Variants in ACBD7 observed in about 807,000 individuals in gnomAD.
The protein encoded by ACBD7 is acyl-CoA-binding domain-containing protein 7.
In ACBD7, 11 loss-of-function variants were observed where a neutral mutation model predicts 13.7. That is an observed-to-expected ratio of 0.80 (90% CI 0.50 to 1.33). The LOEUF is 1.33. Among genes scored for constraint, ACBD7 ranks in the 40% most tolerant of loss-of-function variants. ACBD7 has a pLI of 0.00. For missense variants in ACBD7, 111 were observed against 103.0 expected (o/e 1.08, Z -0.33); for synonymous variants, 43 against 37.7 (o/e 1.14, Z -0.51).
chr10:15,086,322 T>C (rs1422902508), intron 1 of ACBD7, among the ~76,000 whole-genome samples: 2 of 151,792 alleles, frequency 1.3e-5, no homozygotes. Context: ...AAAAAAAAGT[T>C]ACCTTCCCCC....
In ACBD7 at chr10:15,076,827, T is replaced by C; in HGVS notation, c.*1703A>G. The stretch of plus-strand genomic sequence containing the variant: ...CTTGCCATTGATTCTTAATAACCTG[T>C]TTTTATTTCACCAGTAACATTAACT... On this transcript the variant is annotated 3_prime_UTR_variant, in exon 4 of 4. Transcript: ENST00000356189. The C allele has an allele frequency of 4.1e-6, 4 of 985,396 alleles. No individual in the cohort carries two copies. The highest frequency in any genetic ancestry group is 4.8e-6 in the Non-Finnish European group (4 of 829,932). The allele number at this position is 985,396 out of a possible 1,614,324, so 61.0% of individuals were successfully genotyped here.
Position 15,076,192 on chromosome 10 carries a change from A to C in ACBD7, c.*2338T>G, listed in dbSNP as rs1309359769. On this transcript the variant is annotated 3_prime_UTR_variant, in exon 4 of 4. Transcript: ENST00000356189. ...ATTTTTATGCAGGGAATAGAGGTAC[A>C]CTGTTTTGGGGGATATTTATCTTAA... 2 of 985,124 alleles carry C rather than the reference A, an allele frequency of 2.0e-6. No individual in the cohort carries two copies. The highest frequency in any genetic ancestry group is 2.4e-6 in the Non-Finnish European group (2 of 829,850). The allele number at this position is 985,124 out of a possible 1,614,324, so 61.0% of individuals were successfully genotyped here. A position where few individuals can be genotyped will look rare whatever the true frequency, so the allele number is the denominator to read the frequency against.
At chr10:15,080,943 C>G (rs978617602) in intron 1 of ACBD7, among the ~76,000 whole-genome samples, 12 of 151,960 alleles carry the variant, frequency 7.9e-5, no homozygotes, top group Non-Finnish European at 1.5e-4. Context: ...TGCTGGCCAC[C>G]CCCTGCCCCC....
chr10:15,087,630 T>C (rs905708555), intron 1 of ACBD7, among the ~76,000 whole-genome samples: 4 of 151,642 alleles, frequency 2.6e-5, no homozygotes, highest in African/African-American at 7.3e-5. Context: ...TAGAGAAAAA[T>C]AGCCAGGAGT....
chr10:15,082,106 G>T (rs969840802), intron 1 of ACBD7, among the ~76,000 whole-genome samples: 46 of 152,172 alleles, frequency 3.0e-4, no homozygotes, highest in African/African-American at 1.1e-3. Context: ...TGACCAACAT[G>T]GAGAAACCCG....
chr10:15,081,099 T>C (rs973148544), intron 1 of ACBD7, among the ~76,000 whole-genome samples: 1 of 152,148 alleles, frequency 6.6e-6, no homozygotes, highest in Non-Finnish European at 1.5e-5. Context: ...CAGGCAGTAC[T>C]GTGGCAGGCC....
intron 2 of ACBD7, 52 bp downstream of exon 2, chr10:15,078,871 T>C (rs1047796924): frequency 3.3e-6 from 4 of 1,223,628 alleles, no homozygotes. Context: ...TAATCGCAAT[T>C]AATATATTAA....
intron 1 of ACBD7, among the ~76,000 whole-genome samples, chr10:15,080,578 T>G (rs1000598676): frequency 6.6e-6 from 1 of 151,958 alleles, no homozygotes; most frequent in Non-Finnish European, 1.5e-5. Context: ...AGACTCTGTC[T>G]CAAAAACAAA....
At chr10:15,079,095 G>C in intron 1 of ACBD7, 55 bp from the exon 2 acceptor site, 1 of 1,197,328 alleles carries the variant, frequency 8.4e-7, no homozygotes, top group Non-Finnish European at 1.2e-6. Flanking sequence ...CAAGGAATAG[G>C]AACTCAAAGA....
chr10:15,087,141 T>C (rs7097088), intron 1 of ACBD7, among the ~76,000 whole-genome samples: 24,018 of 151,970 alleles, frequency 0.16, 2,192 homozygotes, highest in East Asian at 0.32. Flanking sequence ...GATCATGCCA[T>C]TGCACTCCAG....
chr10:15,075,986 A>AG lies in ACBD7; in HGVS notation c.*2543_*2544insC, dbSNP rs1292489432. 3.4e-5 allele frequency: 21 copies of AG among 623,024 alleles called. No individual in the cohort carries two copies. The highest frequency in any genetic ancestry group is 4.2e-5 in the Non-Finnish European group (21 of 499,658). The allele number at this position is 623,024 out of a possible 1,614,324, so 38.6% of individuals were successfully genotyped here. On this transcript the variant is annotated 3_prime_UTR_variant, in exon 4 of 4. Transcript: ENST00000356189. ...GACAGCCTGTCTCAACAAAAAAAAA[A>AG]AAAAAAAAAAAGAAAAGAAAAAGAA...
chr10:15,088,605 C>T, intron 1 of ACBD7, 112 bp downstream of exon 1: 2 of 1,277,624 alleles, frequency 1.6e-6, no homozygotes, highest in Non-Finnish European at 2.1e-6. Flanking sequence ...GTGGGCGTGT[C>T]CCCCGGGTCA....
rs10541297 is a variant in ACBD7 at position 15,075,976 on chromosome 10, CAA to C, written c.*2552_*2553del. On this transcript the variant is annotated 3_prime_UTR_variant, in exon 4 of 4. Transcript: ENST00000356189. ...GTAACAGAGTGACAGCCTGTCTCAA[CAA>C]AAAAAAAAAAAAAAAAAAAGAAAAG... 113,132 of 313,144 alleles carry C rather than the reference CAA, an allele frequency of 0.36. 9,304 individuals carry two copies. Among genetic ancestry groups the C allele is most frequent in the Middle Eastern group, 0.47 (301 of 646 alleles). 19.4% of individuals were successfully genotyped at this position (313,144 alleles called of 1,614,324 possible).
chr10:15,078,391 A>G lies in ACBD7; in HGVS notation c.*139T>C. 1.3e-6 allele frequency: 2 copies of G among 1,524,650 alleles called. No homozygotes were observed. Among genetic ancestry groups the G allele is most frequent in the East Asian group, 2.3e-5 (1 of 44,190 alleles). The allele number at this position is 1,524,650 out of a possible 1,614,324, so 94.4% of individuals were successfully genotyped here. On this transcript the variant is annotated 3_prime_UTR_variant, in exon 4 of 4. Coordinates refer to ENST00000356189, the MANE Select transcript of ACBD7 (RefSeq NM_001039844.3). ...TGAGTTAACTATGTAGTTTCAGTAT[A>G]CTTCTAAGTACTACAGCTCATGCTA...
chr10:15,083,057 GA>G (rs1326806280), intron 1 of ACBD7, among the ~76,000 whole-genome samples: 1 of 151,930 alleles, frequency 6.6e-6, no homozygotes, highest in African/African-American at 2.4e-5. Flanking sequence ...AAAAAGAAAA[GA>G]AAAAAAGATC....
intron 1 of ACBD7, among the ~76,000 whole-genome samples, chr10:15,086,421 C>T (rs966722336): frequency 5.9e-5 from 9 of 152,150 alleles, no homozygotes; most frequent in African/African-American, 2.2e-4. Context: ...CTGTGATGTT[C>T]CTCAACTCTT....
rs187476516 is a variant in ACBD7, at chr10:15,077,267, T to C, written c.*1263A>G. 6.6e-6 allele frequency among the ~76,000 whole-genome samples: 1 copy of C among 152,168 alleles called. No individual in the cohort carries two copies. The highest frequency in any genetic ancestry group is 1.9e-4 in the East Asian group (1 of 5,176). On this transcript the variant is annotated 3_prime_UTR_variant, in exon 4 of 4. Coordinates refer to ENST00000356189, the MANE Select transcript of ACBD7 (RefSeq NM_001039844.3). ...ATATTACTCAGCCATATAAAGAGAA[T>C]GAAATTACGGCTTTTGCAGCAACGT...
intron 2 of ACBD7, 23 bp downstream of exon 2, chr10:15,078,900 T>C (rs1400160769): frequency 8.0e-7 from 1 of 1,246,116 alleles, no homozygotes; most frequent in Non-Finnish European, 1.1e-6. Flanking sequence ...TATGAATATA[T>C]TAATATTAAT....
At chr10:15,080,021 C>T (rs891740528) in intron 1 of ACBD7, among the ~76,000 whole-genome samples, 11 of 151,964 alleles carry the variant, frequency 7.2e-5, no homozygotes, top group African/African-American at 1.9e-4. Flanking sequence ...TCGTCTAGGG[C>T]GTTTCTCTTC....
Sources: allele counts gnomAD v4.1 joint callset (sites outside exome capture counted in the v4.1 genomes callset), GRCh38; gene constraint gnomAD v4.1.1; transcripts MANE v1.5; gene names NCBI Gene and HGNC (gene_info 2026-07-23, HGNC 2026-07-21).